AKAP7: variants seen among roughly 807,000 people sequenced by gnomAD.
The protein encoded by AKAP7 is A-kinase anchoring protein 7, also known as A kinase (PRKA) anchor protein 7.
Under a neutral mutation model 39.5 loss-of-function variants are expected in AKAP7, and 39 were observed. The ratio of observed to expected loss-of-function variants is 0.99; its 90% CI spans 0.76 to 1.29. AKAP7 has a LOEUF of 1.29. Among genes scored for constraint, AKAP7 ranks in the 50% most tolerant of loss-of-function variants. The pLI, the probability that AKAP7 is intolerant of heterozygous loss-of-function variation, is 0.00. For missense variants in AKAP7, 414 were observed against 407.7 expected (o/e 1.02, Z -0.13); for synonymous variants, 140 against 139.1 (o/e 1.01, Z -0.05).
intron 7 of AKAP7, among the ~76,000 whole-genome samples, chr6:131,266,072 G>C (rs1194914245): frequency 6.6e-6 from 1 of 152,142 alleles, no homozygotes; most frequent in Admixed American, 6.5e-5. Context: ...AGAGATCCCG[G>C]GAGGAGACCC....
At chr6:131,127,415 A>G in the AKAP7 span, among the ~76,000 whole-genome samples, 2 of 152,178 alleles carry the variant, frequency 1.3e-5, no homozygotes, top group Admixed American at 6.5e-5. Context: ...AAAAGTCCCT[A>G]TCTCATAAGA....
At chr6:131,190,653 A>C (rs1261939218) in intron 5 of AKAP7, among the ~76,000 whole-genome samples, 1 of 152,010 alleles carries the variant, frequency 6.6e-6, no homozygotes, top group Admixed American at 6.6e-5. Context: ...TTGAAAAAAA[A>C]AAAAGGAAAA....
At chr6:131,188,464 A>G (rs1270396438) in intron 5 of AKAP7, among the ~76,000 whole-genome samples, 1 of 152,190 alleles carries the variant, frequency 6.6e-6, no homozygotes, top group East Asian at 1.9e-4. Context: ...TAGTAGTAGA[A>G]AGTATCTTGC....
intron 5 of AKAP7, among the ~76,000 whole-genome samples, chr6:131,194,105 A>G (rs983724351): frequency 2.0e-5 from 3 of 151,704 alleles, no homozygotes; most frequent in Admixed American, 2.0e-4. Context: ...TTGCTTTTCT[A>G]GTTCTTTAGA....
chr6:131,133,818 C>T (rs939751799), upstream of AKAP7, among the ~76,000 whole-genome samples: 1 of 152,190 alleles, frequency 6.6e-6, no homozygotes, highest in African/African-American at 2.4e-5. Flanking sequence ...GCTTCTATAC[C>T]ATTTTAACGA....
chr6:131,207,491 A>ATATTTTTTTTTTT (rs1554211848), intron 6 of AKAP7, among the ~76,000 whole-genome samples: 7 of 78,806 alleles, frequency 8.9e-5, no homozygotes, highest in African/African-American at 3.5e-4. Flanking sequence ...GCTAATTAAA[A>ATATTTTTTTTTTT]TTTTTTTTTT....
chr6:131,200,897 A>C (rs1807492051), intron 6 of AKAP7: 1 of 152,174 alleles, frequency 6.6e-6, no homozygotes, highest in Non-Finnish European at 1.5e-5. Context: ...ACAGAATGAC[A>C]ATCAGTGGTG....
chr6:131,195,533 G>A (rs981084089), intron 5 of AKAP7, among the ~76,000 whole-genome samples: 2 of 152,036 alleles, frequency 1.3e-5, no homozygotes, highest in African/African-American at 4.8e-5. Context: ...AGTGAGTTTT[G>A]TACCTTCAGA....
chr6:131,219,798 C>A lies in AKAP7; in HGVS notation c.840C>A (p.Ser280=). ...ATGGTTATTATCACTGTGAATCTTC[C>A]ATTGTGATTGGTGAGTGTCATTTAA... ...QSNGYYHCES[S]IVIGEKNGGE... is the part of the protein sequence containing the mutation. Residue 280 remains serine, a synonymous_variant, in exon 7 of 8, where the codon TCC becomes TCA. Transcript: ENST00000431975. 6.5e-7 allele frequency: 1 copy of A among 1,548,968 alleles called. No homozygotes were observed. Among genetic ancestry groups the A allele is most frequent in the African/African-American group, 1.4e-5 (1 of 71,702 alleles).
the AKAP7 span, among the ~76,000 whole-genome samples, chr6:131,125,697 A>C: frequency 6.6e-6 from 1 of 152,176 alleles, no homozygotes; most frequent in African/African-American, 2.4e-5. Context: ...CCTTTGTTCA[A>C]ACCTGAATTC....
chr6:131,242,762 A>G (rs1034902746), intron 7 of AKAP7, among the ~76,000 whole-genome samples: 2 of 151,952 alleles, frequency 1.3e-5, no homozygotes, highest in Admixed American at 6.6e-5. Context: ...ATGTGACCCA[A>G]TTTCAATATA....
intron 5 of AKAP7, among the ~76,000 whole-genome samples, chr6:131,176,144 G>T (rs1171657669): frequency 1.3e-5 from 2 of 152,064 alleles, no homozygotes; most frequent in African/African-American, 4.8e-5. Context: ...GTACCTGCTG[G>T]TGGGCTAAAG....
chr6:131,139,248 T>C (rs575535226), intron 1 of AKAP7, among the ~76,000 whole-genome samples: 1 of 152,344 alleles, frequency 6.6e-6, no homozygotes, highest in South Asian at 2.1e-4. Flanking sequence ...TTTCAAGACT[T>C]ATTTGAAAGT....
At position 131,282,744 on chromosome 6, in the gene AKAP7, T is replaced by C; in HGVS notation, c.*1018T>C. On this transcript the variant is annotated 3_prime_UTR_variant, in exon 8 of 8. Coordinates refer to ENST00000431975, the MANE Select transcript of AKAP7 (RefSeq NM_016377.4). ...ATTTGGTGAGGAATTAGCAATTTCT[T>C]GCCAAAGAAAATTGATTCTGCCCAA... The C allele has an allele frequency of 3.2e-6, 2 of 618,958 alleles. No homozygotes were observed. Among genetic ancestry groups the C allele is most frequent in the Non-Finnish European group, 5.0e-6 (2 of 398,264 alleles). 38.3% of individuals were successfully genotyped at this position (618,958 alleles called of 1,614,324 possible). A position where few individuals can be genotyped will look rare whatever the true frequency, so the allele number is the denominator to read the frequency against.
At chr6:131,271,972 C>T (rs1014377026) in intron 7 of AKAP7, among the ~76,000 whole-genome samples, 2 of 152,104 alleles carry the variant, frequency 1.3e-5, no homozygotes, top group African/African-American at 4.8e-5. Flanking sequence ...TGCTTTTAGG[C>T]AGGGATCTGT....
intron 6 of AKAP7, among the ~76,000 whole-genome samples, chr6:131,212,137 C>T (rs899718669): frequency 7.9e-5 from 12 of 152,136 alleles, no homozygotes; most frequent in African/African-American, 2.7e-4. Flanking sequence ...TGCTTTCACA[C>T]GTCGTAAAGT....
chr6:131,279,374 T>C (rs1345503314), intron 7 of AKAP7, among the ~76,000 whole-genome samples: 4 of 152,168 alleles, frequency 2.6e-5, no homozygotes, highest in African/African-American at 7.2e-5. Flanking sequence ...GTTCAAGTGA[T>C]TCTCCTGCCT....
At chr6:131,220,729 T>A (rs1809622940) in intron 7 of AKAP7, among the ~76,000 whole-genome samples, 1 of 152,206 alleles carries the variant, frequency 6.6e-6, no homozygotes, top group Admixed American at 6.5e-5. Flanking sequence ...TAACAGCATG[T>A]GCTCTTTTTG....
At chr6:131,234,798 C>T (rs1318272010) in intron 7 of AKAP7, among the ~76,000 whole-genome samples, 1 of 151,396 alleles carries the variant, frequency 6.6e-6, no homozygotes, top group Non-Finnish European at 1.5e-5. Flanking sequence ...AATTCCATTA[C>T]AGTGACCCTG....
Sources: gnomAD v4.1 joint callset for allele counts (sites outside exome capture counted in the v4.1 genomes callset) on GRCh38, gnomAD v4.1.1 for gene constraint, MANE v1.5 for transcripts, NCBI Gene and HGNC (gene_info 2026-07-23, HGNC 2026-07-21) for gene names.